The following DLG2 variants were observed in gnomAD, a reference collection of about 807,000 sequenced individuals.
The protein encoded by DLG2 is discs large MAGUK scaffold protein 2.
In DLG2, 45 loss-of-function variants were observed where a neutral mutation model predicts 132.5. The observed-to-expected ratio is 0.34, with a 90% confidence interval of 0.27 to 0.44. DLG2 has a LOEUF of 0.44. DLG2 is among the 20% of genes least tolerant of loss of function. The pLI is 1.00. For missense variants in DLG2, 1,045 were observed against 1,196.9 expected, an observed-to-expected ratio of 0.87 and a Z score of 1.87; for synonymous variants, 424 against 419.6, an observed-to-expected ratio of 1.01 and a Z score of -0.13.
intron 4 of DLG2, among the ~76,000 whole-genome samples, chr11:85,169,383 C>T (rs2078685141): frequency 1.3e-5 from 2 of 152,052 alleles, no homozygotes; most frequent in Admixed American, 6.6e-5. Flanking sequence ...AAACTGATAA[C>T]ATGAAAAACG....
At chr11:83,793,491 C>T (rs758585066) in intron 17 of DLG2, among the ~76,000 whole-genome samples, 14 of 152,130 alleles carry the variant, frequency 9.2e-5, no homozygotes, top group Non-Finnish European at 1.6e-4. Flanking sequence ...ATTTCTTGGA[C>T]GTTTCCTTTA....
intron 3 of DLG2, among the ~76,000 whole-genome samples, chr11:85,588,619 C>T (rs1442543776): frequency 2.6e-5 from 4 of 152,000 alleles, no homozygotes; most frequent in African/African-American, 7.3e-5. Flanking sequence ...TTGGTTTTCC[C>T]CTTTCTCTGG....
chr11:85,087,648 C>A (rs2068112665), intron 6 of DLG2, among the ~76,000 whole-genome samples: 2 of 151,198 alleles, frequency 1.3e-5, no homozygotes, highest in South Asian at 2.1e-4. Context: ...ACCATCCTGG[C>A]TAACAAGGTG....
chr11:84,637,851 T>C (rs2099643445), intron 6 of DLG2, among the ~76,000 whole-genome samples: 1 of 152,234 alleles, frequency 6.6e-6, no homozygotes, highest in African/African-American at 2.4e-5. Context: ...AGGTAAAATC[T>C]GATTCTTACA....
At chr11:85,061,401 T>C (rs1012818754) in intron 6 of DLG2, among the ~76,000 whole-genome samples, 3 of 151,872 alleles carry the variant, frequency 2.0e-5, no homozygotes, top group Non-Finnish European at 4.4e-5. Flanking sequence ...TGCTTAGATA[T>C]TATTTGGCCT....
At chr11:85,593,603 C>A (rs548659403) in intron 3 of DLG2, among the ~76,000 whole-genome samples, 2 of 152,266 alleles carry the variant, frequency 1.3e-5, no homozygotes, top group Non-Finnish European at 2.9e-5. Flanking sequence ...TAAATACAGC[C>A]AAGTTGCTCC....
chr11:85,269,184 G>A (rs1419690804), intron 4 of DLG2, among the ~76,000 whole-genome samples: 2 of 152,144 alleles, frequency 1.3e-5, no homozygotes, highest in Non-Finnish European at 2.9e-5. Context: ...TCAGCCTCCT[G>A]ATTTTCAACT....
At chr11:85,094,693 G>A (rs770116855) in intron 6 of DLG2, among the ~76,000 whole-genome samples, 1 of 152,242 alleles carries the variant, frequency 6.6e-6, no homozygotes, top group Admixed American at 6.5e-5. Context: ...TGTTGTGGCT[G>A]TTTTGATCTA....
intron 11 of DLG2, among the ~76,000 whole-genome samples, chr11:84,048,069 A>G (rs559445844): frequency 1.3e-5 from 2 of 151,702 alleles, no homozygotes; most frequent in Admixed American, 6.6e-5. Context: ...TCAGAAATTA[A>G]CAACGTGCAT....
At chr11:84,650,873 G>GTGTGTGTATATATATATA (rs1424393386) in intron 6 of DLG2, among the ~76,000 whole-genome samples, 78 of 123,960 alleles carry the variant, frequency 6.3e-4, no homozygotes, top group African/African-American at 2.5e-3. Context: ...GTGTGTGTGT[G>GTGTGTGTATATATATATA]TATATATATA....
intron 17 of DLG2, among the ~76,000 whole-genome samples, chr11:83,808,053 T>C (rs2046361516): frequency 6.6e-6 from 1 of 152,104 alleles, no homozygotes; most frequent in African/African-American, 2.4e-5. Context: ...TTCCCCATAA[T>C]ATCACATGCC....
intron 4 of DLG2, among the ~76,000 whole-genome samples, chr11:85,209,445 CTTTTTTTTTTTT>C (rs1164394816): frequency 2.7e-5 from 2 of 74,450 alleles, no homozygotes; most frequent in South Asian, 6.1e-4. Context: ...AGAAATCAGT[CTTTTTTTTTTTT>C]TTTTTTTTTT....
intron 17 of DLG2, chr11:83,790,232 TC>T: frequency 1.1e-6 from 1 of 907,980 alleles, no homozygotes; most frequent in Non-Finnish European, 1.8e-6. Flanking sequence ...TGTATGCCCT[TC>T]CACATTTGGC....
At chr11:83,550,300 A>G (rs2096357789) in intron 19 of DLG2, among the ~76,000 whole-genome samples, 1 of 152,144 alleles carries the variant, frequency 6.6e-6, no homozygotes, top group Non-Finnish European at 1.5e-5. Flanking sequence ...TCCAGGGGGA[A>G]CAACTTTCTC....
intron 8 of DLG2, among the ~76,000 whole-genome samples, chr11:84,173,369 A>G (rs532910518): frequency 6.6e-6 from 1 of 152,326 alleles, no homozygotes; most frequent in South Asian, 2.1e-4. Flanking sequence ...TGTTAAGAAC[A>G]CAATTGATCA....
At chr11:85,458,118 G>A (rs1251876523) in intron 3 of DLG2, among the ~76,000 whole-genome samples, 2 of 152,066 alleles carry the variant, frequency 1.3e-5, no homozygotes, top group Non-Finnish European at 2.9e-5. Context: ...ATTTCTTGGA[G>A]GTTTTGTTCA....
At chr11:85,238,006 C>T (rs1192912519) in intron 4 of DLG2, among the ~76,000 whole-genome samples, 2 of 151,836 alleles carry the variant, frequency 1.3e-5, no homozygotes, top group African/African-American at 2.4e-5. Flanking sequence ...CTGGTGCTCA[C>T]TTCTTTCCCT....
chr11:83,854,888 G>C (rs2060282825), intron 16 of DLG2, among the ~76,000 whole-genome samples: 1 of 117,672 alleles, frequency 8.5e-6, no homozygotes, highest in South Asian at 2.6e-4. Flanking sequence ...TAAATACTGA[G>C]AGAAAATGAT....
chr11:84,131,096 C>T (rs987708075), intron 9 of DLG2, among the ~76,000 whole-genome samples: 2 of 151,940 alleles, frequency 1.3e-5, no homozygotes, highest in Non-Finnish European at 2.9e-5. Flanking sequence ...TCTTTGACAA[C>T]ATCTAGAAAG....
Sources: gnomAD v4.1 joint callset for allele counts (sites outside exome capture counted in the v4.1 genomes callset) on GRCh38, gnomAD v4.1.1 for gene constraint, MANE v1.5 for transcripts, NCBI Gene and HGNC (gene_info 2026-07-23, HGNC 2026-07-21) for gene names.